ZNF487: variants seen among roughly 807,000 people sequenced by gnomAD.
ZNF487 encodes KRAB domain only 1.
Under a neutral mutation model 3.0 loss-of-function variants are expected in ZNF487, and 4 were observed. The observed-to-expected ratio is 1.35, with a 90% CI of 0.66 to 3.08. The LOEUF (loss-of-function observed/expected upper bound fraction) is 3.08. Among genes scored for constraint, ZNF487 ranks in the 30% most tolerant of loss-of-function variants. ZNF487 has a pLI of 0.01. For missense variants in ZNF487, 146 were observed against 98.7 expected (o/e 1.48, Z -2.03); for synonymous variants, 55 against 34.6 (o/e 1.59, Z -2.06).
intron 1 of ZNF487, among the ~76,000 whole-genome samples, chr10:43,456,327 T>C (rs1840200182): frequency 6.6e-6 from 1 of 152,148 alleles, no homozygotes; most frequent in South Asian, 2.1e-4. Context: ...AATGGGGACT[T>C]CTCACCAGAG....
chr10:43,464,391 T>A lies in ZNF487; in HGVS notation c.-93-11330T>A, dbSNP rs545314804. Reference sequence around the variant, plus strand: ...TTTATTTATTATTATTATTTTTTTTTATTGATCATTCTTGGGTGTTTCTCG... The same window carrying A: ...TTTATTTATTATTATTATTTTTTTTAATTGATCATTCTTGGGTGTTTCTCG... On this transcript the variant is annotated intron_variant, in intron 1 of 3. Coordinates refer to ENST00000437590, the MANE Select transcript of ZNF487 (RefSeq NM_001355444.3). 3.9e-5 allele frequency among the ~76,000 whole-genome samples: 6 copies of A among 152,020 alleles called. No homozygotes were observed. In the South Asian group the frequency reaches 6.2e-4, roughly 16 times the overall value.
At chr10:43,484,333 G>C (rs776542308), downstream of ZNF487, among the ~76,000 whole-genome samples, 1 of 151,954 alleles carries the variant, frequency 6.6e-6, no homozygotes, top group African/African-American at 2.4e-5. Flanking sequence ...TGGTCCAGGC[G>C]CGGTGGCTCA....
chr10:43,496,096 G>C, the ZNF487 span: 2 of 533,508 alleles, frequency 3.7e-6, no homozygotes, highest in East Asian at 1.1e-4. Flanking sequence ...AGAGGACCCT[G>C]TACATGAATG....
intron 1 of ZNF487, chr10:43,452,470 CA>C (rs1215377948): frequency 1.3e-5 from 2 of 152,194 alleles, no homozygotes; most frequent in Non-Finnish European, 2.9e-5. Flanking sequence ...GCCCTGATCA[CA>C]GCTGCCAGTA....
chr10:43,439,593 C>G (rs1482925082), intron 1 of ZNF487, among the ~76,000 whole-genome samples: 1 of 151,888 alleles, frequency 6.6e-6, no homozygotes, highest in African/African-American at 2.4e-5. Context: ...ATCCCAACTA[C>G]TCAGGAAGCT....
At chr10:43,489,048 TGTG>T in the ZNF487 span, among the ~76,000 whole-genome samples, 1 of 151,978 alleles carries the variant, frequency 6.6e-6, no homozygotes, top group Non-Finnish European at 1.5e-5. Context: ...AGGTCAATGG[TGTG>T]GTGAACAGTG....
intron 1 of ZNF487, among the ~76,000 whole-genome samples, chr10:43,438,170 C>T (rs1416225): frequency 6.6e-6 from 1 of 151,982 alleles, no homozygotes; most frequent in African/African-American, 2.4e-5. Context: ...TGAGTGCAGG[C>T]TTTTGTCTTA....
At chr10:43,491,323 T>G in the ZNF487 span, among the ~76,000 whole-genome samples, 1 of 151,694 alleles carries the variant, frequency 6.6e-6, no homozygotes, top group African/African-American at 2.4e-5. Context: ...GCTAATTTTA[T>G]TGTTGTTTCA....
the ZNF487 span, among the ~76,000 whole-genome samples, chr10:43,512,788 C>T: frequency 6.6e-6 from 1 of 152,184 alleles, no homozygotes; most frequent in Non-Finnish European, 1.5e-5. Flanking sequence ...TTTCGGGTCA[C>T]TTGATAAATG....
upstream of ZNF487, chr10:43,437,028 G>C (rs1162534789): frequency 1.7e-4 from 63 of 364,506 alleles, no homozygotes; most frequent in East Asian, 1.4e-3. Flanking sequence ...CGCGGGAGCA[G>C]CAAGGCTTCC....
chr10:43,480,355 A>G (rs995394220), intron 3 of ZNF487, among the ~76,000 whole-genome samples: 2 of 146,410 alleles, frequency 1.4e-5, no homozygotes, highest in African/African-American at 5.1e-5. Flanking sequence ...ATCCACCCCC[A>G]TCAGCCTCCC....
chr10:43,511,797 G>A, the ZNF487 span, among the ~76,000 whole-genome samples: 1 of 152,128 alleles, frequency 6.6e-6, no homozygotes, highest in African/African-American at 2.4e-5. Flanking sequence ...CTATCCACTT[G>A]ATTATTAAAA....
At chr10:43,459,585 T>A (rs534472531) in intron 1 of ZNF487, among the ~76,000 whole-genome samples, 67 of 151,974 alleles carry the variant, frequency 4.4e-4, no homozygotes, top group African/African-American at 1.4e-3. Flanking sequence ...TAAAAAAAAA[T>A]TTTTAAGTCA....
intron 1 of ZNF487, among the ~76,000 whole-genome samples, chr10:43,471,443 G>C (rs1306339281): frequency 1.3e-5 from 2 of 152,172 alleles, no homozygotes; most frequent in Non-Finnish European, 2.9e-5. Flanking sequence ...CCCTTGTCTC[G>C]TTGCATGGGG....
At chr10:43,469,168 T>C (rs931712278) in intron 1 of ZNF487, among the ~76,000 whole-genome samples, 1 of 152,000 alleles carries the variant, frequency 6.6e-6, no homozygotes, top group Non-Finnish European at 1.5e-5. Flanking sequence ...TGATTCACTA[T>C]AGGCTCAGAT....
chr10:43,438,040 G>A (rs148241203), intron 1 of ZNF487, among the ~76,000 whole-genome samples: 313 of 152,086 alleles, frequency 2.1e-3, no homozygotes, highest in African/African-American at 7.3e-3. Context: ...CTTTTCTGCT[G>A]TGTGTGTAAT....
upstream of ZNF487, chr10:43,436,870 G>A (rs181151975): frequency 8.4e-4 from 395 of 468,962 alleles, 2 homozygotes; most frequent in African/African-American, 7.3e-3. Flanking sequence ...GCCCAGCCGC[G>A]GTCCCAGCGA....
At chr10:43,509,112 T>G in the ZNF487 span, among the ~76,000 whole-genome samples, 167 of 151,572 alleles carry the variant, frequency 1.1e-3, 1 homozygote, top group Middle Eastern at 3.4e-3. Flanking sequence ...GAGAATCACT[T>G]GAACACAGGA....
At chr10:43,520,064 A>ATT in the ZNF487 span, among the ~76,000 whole-genome samples, 1 of 152,118 alleles carries the variant, frequency 6.6e-6, no homozygotes, top group Non-Finnish European at 1.5e-5. Context: ...GAAGTTTGCT[A>ATT]TTTTTTTGTG....
Sources: gnomAD v4.1 joint callset for allele counts (sites outside exome capture counted in the v4.1 genomes callset) on GRCh38, gnomAD v4.1.1 for gene constraint, MANE v1.5 for transcripts, NCBI Gene and HGNC (gene_info 2026-07-23, HGNC 2026-07-21) for gene names.